AOX1: variants seen among roughly 807,000 people sequenced by gnomAD.
The protein encoded by AOX1 is aldehyde oxidase 1, also known as aldehyde oxidase.
Under a neutral mutation model 169.5 loss-of-function variants are expected in AOX1, and 153 were observed. The ratio of observed to expected loss-of-function variants is 0.90; its 90% CI spans 0.79 to 1.03. AOX1 has a LOEUF of 1.03. Among genes scored for constraint, AOX1 ranks in the 50% least tolerant of loss-of-function variants. AOX1 has a pLI of 0.00. For synonymous variants in AOX1, 562 were observed against 581.9 expected (o/e 0.97, Z 0.49); for missense variants, 1,656 against 1,663.9 (o/e 1.00, Z 0.08).
At chr2:200,665,705 T>C (rs1020228612) in intron 31 of AOX1, among the ~76,000 whole-genome samples, 3 of 152,208 alleles carry the variant, frequency 2.0e-5, no homozygotes, top group African/African-American at 7.2e-5. Context: ...GTGCTGGGAT[T>C]ACAGGCATAA....
At chr2:200,600,266 TC>T (rs1435072701) in intron 5 of AOX1, among the ~76,000 whole-genome samples, 4 of 152,028 alleles carry the variant, frequency 2.6e-5, no homozygotes, top group Non-Finnish European at 5.9e-5. Context: ...TTGGGAAGAG[TC>T]CTGTTATCTC....
intron 2 of AOX1, among the ~76,000 whole-genome samples, chr2:200,593,663 C>A (rs999956647): frequency 6.6e-6 from 1 of 152,128 alleles, no homozygotes; most frequent in Non-Finnish European, 1.5e-5. Flanking sequence ...TTTTAGCTTG[C>A]TATGCATGAA....
At chr2:200,631,996 A>C (rs2035137937) in intron 20 of AOX1, among the ~76,000 whole-genome samples, 1 of 152,128 alleles carries the variant, frequency 6.6e-6, no homozygotes, top group Non-Finnish European at 1.5e-5. Context: ...ATTTTCGATA[A>C]GATAGGAAGT....
rs1328933639 is a variant in AOX1, at chr2:200,620,799, A to G, written c.1854A>G (p.Ser618=). The G allele has an allele frequency of 3.1e-6, 5 of 1,602,540 alleles. No individual in the cohort carries two copies. In the African/African-American group the frequency reaches 5.4e-5, roughly 17 times the overall value. The change falls in exon 17 of 35, where the codon TCA becomes TCG. Residue 618 remains serine (S), a synonymous_variant. Coordinates refer to ENST00000374700, the MANE Select transcript of AOX1 (RefSeq NM_001159.4). The stretch of plus-strand genomic sequence containing the variant: ...TTTTCTTGACTTTTGTGACTAGTTC[A>G]AGAGCTCATGCTAAGATTGTGTAAG... ...QELFLTFVTS[S]RAHAKIVSID...
chr2:200,623,370 A>C (rs2034928212), intron 18 of AOX1, among the ~76,000 whole-genome samples: 3 of 152,208 alleles, frequency 2.0e-5, no homozygotes. Context: ...TTTTCATGAA[A>C]AGACAGTTTG....
intron 3 of AOX1, among the ~76,000 whole-genome samples, chr2:200,597,170 A>C (rs2034299971): frequency 6.6e-6 from 1 of 152,138 alleles, no homozygotes; most frequent in Non-Finnish European, 1.5e-5. Context: ...CGTAATTTTA[A>C]TCCTGCCTCT....
intron 1 of AOX1, among the ~76,000 whole-genome samples, chr2:200,587,110 AAAACCAAAC>A (rs2034052855): frequency 1.3e-5 from 2 of 151,470 alleles, no homozygotes; most frequent in African/African-American, 4.9e-5. Context: ...CTACAAAAAA[AAAACCAAAC>A]AAAACAAAAC....
intron 25 of AOX1, 105 bp downstream of exon 25, chr2:200,642,906 G>C (rs1436995861): frequency 2.6e-6 from 3 of 1,137,070 alleles, no homozygotes; most frequent in Non-Finnish European, 3.7e-6. Flanking sequence ...AGGGGCAAAT[G>C]ATTTGTGCCA....
chr2:200,625,974 A>AC (rs2034993454), intron 19 of AOX1, among the ~76,000 whole-genome samples: 2 of 152,286 alleles, frequency 1.3e-5, no homozygotes, highest in South Asian at 4.1e-4. Context: ...AAGGCTGATG[A>AC]CCATAATGGA....
At chr2:200,623,794 G>GA in intron 18 of AOX1, 67 bp from the exon 19 acceptor site, 2 of 1,607,498 alleles carry the variant, frequency 1.2e-6, no homozygotes, top group Non-Finnish European at 1.7e-6. Flanking sequence ...GAGGGAGGAA[G>GA]AAAATGAATA....
chr2:200,671,971 A>T (rs887760383), downstream of AOX1, among the ~76,000 whole-genome samples: 3 of 151,378 alleles, frequency 2.0e-5, no homozygotes, highest in East Asian at 1.9e-4. Flanking sequence ...TTGGCCATAT[A>T]AAAAAAAAGC....
At chr2:200,602,626 C>G (rs923724824) in intron 6 of AOX1, among the ~76,000 whole-genome samples, 1 of 152,032 alleles carries the variant, frequency 6.6e-6, no homozygotes, top group African/African-American at 2.4e-5. Context: ...GGTCAGGTAC[C>G]CTGGCCTGGT....
At chr2:200,629,558 G>A (rs1434755785) in intron 20 of AOX1, among the ~76,000 whole-genome samples, 8 of 152,136 alleles carry the variant, frequency 5.3e-5, no homozygotes, top group Non-Finnish European at 8.8e-5. Context: ...TAGAATTGTA[G>A]AGGATCCAAA....
intron 26 of AOX1, among the ~76,000 whole-genome samples, chr2:200,654,206 CAAAAAAAA>C (rs60045401): frequency 9.4e-5 from 8 of 84,758 alleles, no homozygotes; most frequent in East Asian, 4.8e-4. Context: ...GACCCTGTCT[CAAAAAAAA>C]AAAAAAAAAA....
intron 20 of AOX1, 96 bp downstream of exon 20, chr2:200,627,545 G>C (rs993179855): frequency 2.5e-5 from 21 of 852,112 alleles, no homozygotes; most frequent in Non-Finnish European, 3.2e-5. Flanking sequence ...GGCAGCCTAG[G>C]GGGGTGTTGC....
intron 23 of AOX1, among the ~76,000 whole-genome samples, chr2:200,639,429 C>T (rs1223123292): frequency 1.3e-5 from 2 of 152,100 alleles, no homozygotes; most frequent in Non-Finnish European, 2.9e-5. Context: ...TCCTGTGTGC[C>T]CAGAATGAAA....
rs57410809 is a variant in AOX1, at chr2:200,630,210, T to TAAAAAAAAAAAAAAAA, written c.2221+2773_2221+2788dup. The stretch of plus-strand genomic sequence containing the variant: ...TCAATGTAGCAAGACTCCTTCTATT[T>TAAAAAAAAAAAAAAAA]AAAAAAAAAAAAAAAAAAAAAAAAA... On this transcript the variant is annotated intron_variant, in intron 20 of 34. Coordinates refer to ENST00000374700, the MANE Select transcript of AOX1 (RefSeq NM_001159.4). 6.8e-4 allele frequency among the ~76,000 whole-genome samples: 65 copies of TAAAAAAAAAAAAAAAA among 95,522 alleles called. 2 individuals are homozygous for TAAAAAAAAAAAAAAAA. Among genetic ancestry groups the TAAAAAAAAAAAAAAAA allele is most frequent in the African/African-American group, 2.7e-3 (60 of 21,876 alleles). 62.7% of individuals were successfully genotyped at this position (95,522 alleles called of 152,430 possible).
chr2:200,590,436 A>T (rs1390027597), intron 1 of AOX1, among the ~76,000 whole-genome samples: 3 of 152,010 alleles, frequency 2.0e-5, no homozygotes, highest in African/African-American at 7.3e-5. Context: ...ACTGTTACCC[A>T]TCCCCTGTAT....
intron 26 of AOX1, 88 bp downstream of exon 26, chr2:200,651,289 AT>A: frequency 1.8e-6 from 2 of 1,137,762 alleles, no homozygotes; most frequent in Non-Finnish European, 1.3e-6. Flanking sequence ...CTTAAGTCAT[AT>A]TAGCCATATG....
Sources: allele counts gnomAD v4.1 joint callset (sites outside exome capture counted in the v4.1 genomes callset), GRCh38; gene constraint gnomAD v4.1.1; transcripts MANE v1.5; gene names NCBI Gene and HGNC (gene_info 2026-07-23, HGNC 2026-07-21).